Variants in FRMD4B observed in about 807,000 individuals in gnomAD.
FRMD4B encodes the protein FERM domain-containing protein 4B.
FRMD4B carries 74 observed loss-of-function variants against 141.5 expected under a neutral mutation model. The ratio of observed to expected loss-of-function variants is 0.52; its 90% CI spans 0.43 to 0.63. The LOEUF (loss-of-function observed/expected upper bound fraction) is 0.63. FRMD4B is among the 30% of genes least tolerant of loss of function. FRMD4B has a pLI of 0.00. For missense variants in FRMD4B, 1,366 were observed against 1,253.4 expected (o/e 1.09, Z -1.36); for synonymous variants, 506 against 467.9 (o/e 1.08, Z -1.05).
At chr3:69,312,963 A>G (rs1327901213) in intron 2 of FRMD4B, among the ~76,000 whole-genome samples, 1 of 152,196 alleles carries the variant, frequency 6.6e-6, no homozygotes, top group Non-Finnish European at 1.5e-5. Context: ...TCACTCACAT[A>G]TATAATCTAG....
intron 1 of FRMD4B, among the ~76,000 whole-genome samples, chr3:69,488,901 A>G (rs1184188189): frequency 2.0e-5 from 3 of 151,504 alleles, no homozygotes; most frequent in East Asian, 1.9e-4. Context: ...TAAAAAAAAA[A>G]AAAAAAAAAA....
At chr3:69,340,874 A>G (rs938785064) in intron 1 of FRMD4B, among the ~76,000 whole-genome samples, 2 of 152,318 alleles carry the variant, frequency 1.3e-5, no homozygotes, top group African/African-American at 4.8e-5. Flanking sequence ...TAACCACTCT[A>G]TGCTCAGCTT....
At chr3:69,225,554 GT>G (rs1352139720) in intron 7 of FRMD4B, among the ~76,000 whole-genome samples, 32 of 146,064 alleles carry the variant, frequency 2.2e-4, no homozygotes, top group African/African-American at 7.8e-4. Flanking sequence ...AATTAGCCAG[GT>G]TTGGTGGTGG....
At chr3:69,187,951 G>A (rs750304374) in intron 18 of FRMD4B, 34 bp from the exon 19 acceptor site, 2 of 1,229,218 alleles carry the variant, frequency 1.6e-6, no homozygotes, top group South Asian at 1.4e-5. Context: ...GAAAAAATAA[G>A]TAGGCAAATT....
intron 9 of FRMD4B, among the ~76,000 whole-genome samples, chr3:69,220,590 G>C (rs906688650): frequency 6.6e-6 from 1 of 152,202 alleles, no homozygotes; most frequent in Non-Finnish European, 1.5e-5. Context: ...AGTGGCCCAT[G>C]TCTATAATCC....
chr3:69,325,081 AAAAAAAAGAAAGAAAG>A (rs1203757475), intron 1 of FRMD4B, among the ~76,000 whole-genome samples: 1 of 13,314 alleles, frequency 7.5e-5, no homozygotes, highest in African/African-American at 1.3e-4. Flanking sequence ...TGTCTAAAAA[AAAAAAAAGAAAGAAAG>A]AAAGAAAGAA....
At chr3:69,471,703 TG>T in intron 1 of FRMD4B, 1 of 166,402 alleles carries the variant, frequency 6.0e-6, no homozygotes, top group South Asian at 1.6e-4. Context: ...TTACATGTTT[TG>T]GATTGTTTGG....
Position 69,455,536 on chromosome 3 carries a change from C to T in FRMD4B, c.-128-22775G>A, listed in dbSNP as rs377271365. The stretch of plus-strand genomic sequence containing the variant: ...TTCTGAAGCCAGCGAGACCATTAAC[C>T]GGTAAGAAGGAAGAAACTACGAACA... On this transcript the variant is annotated intron_variant, in intron 1 of 5. Coordinates refer to the FRMD4B transcript ENST00000459638. 1.3e-4 allele frequency among the ~76,000 whole-genome samples: 20 copies of T among 152,172 alleles called. No individual in the cohort carries two copies. In the South Asian group the frequency reaches 1.9e-3, roughly 14 times the overall value.
At chr3:69,216,209 G>C (rs2093139233) in intron 11 of FRMD4B, 54 bp downstream of exon 11, 3 of 943,920 alleles carry the variant, frequency 3.2e-6, no homozygotes. Flanking sequence ...CAACTATGTT[G>C]TGATTAACAT....
chr3:69,420,340 G>T (rs1311526211), intron 2 of FRMD4B, among the ~76,000 whole-genome samples: 1 of 149,738 alleles, frequency 6.7e-6, no homozygotes, highest in East Asian at 2.0e-4. Flanking sequence ...TTCACCTATG[G>T]AACAATCATA....
chr3:69,230,847 T>C (rs767902197), intron 7 of FRMD4B, among the ~76,000 whole-genome samples: 1 of 151,892 alleles, frequency 6.6e-6, no homozygotes, highest in Non-Finnish European at 1.5e-5. Flanking sequence ...ATTCATGTAA[T>C]AGAATACCAC....
At position 69,176,747 on chromosome 3, in the gene FRMD4B, T is replaced by G. The variant is rs2092650450; in HGVS notation, c.2852-91A>C. On this transcript the variant is annotated intron_variant, in intron 21 of 22. Transcript: ENST00000398540. ...ATTCAGAGGTACATTGCAATCAGCT[T>G]TGTCAGAGGAGAAATTTAAGAGGGT... 5.0e-6 allele frequency: 4 copies of G among 807,094 alleles called. No homozygotes were observed. The East Asian group carries it at 1.1e-4, about 22-fold the overall frequency. 50.0% of individuals were successfully genotyped at this position (807,094 alleles called of 1,614,324 possible).
chr3:69,499,027 C>T (rs967028929), intron 1 of FRMD4B, among the ~76,000 whole-genome samples: 1 of 152,112 alleles, frequency 6.6e-6, no homozygotes, highest in Non-Finnish European at 1.5e-5. Context: ...AGAAAGGATA[C>T]TTGTTAATAA....
At position 69,405,040 on chromosome 3, in the gene FRMD4B, G is replaced by A. The variant is rs572996914; in HGVS notation, c.-1+27594C>T. Among the ~76,000 whole-genome samples, 15 of 152,300 alleles carry A rather than the reference G, an allele frequency of 9.8e-5. No homozygotes were observed. The South Asian group carries it at 1.7e-3, about 17-fold the overall frequency. The stretch of plus-strand genomic sequence containing the variant: ...GTCTTCATCAGAGCTCTTTGCTCGC[G>A]AATGATGGAAACATAATTATAACTA... On this transcript the variant is annotated intron_variant, in intron 2 of 5. Coordinates refer to the FRMD4B transcript ENST00000459638.
At chr3:69,499,547 G>A (rs1017821480) in intron 1 of FRMD4B, among the ~76,000 whole-genome samples, 5 of 152,210 alleles carry the variant, frequency 3.3e-5, no homozygotes, top group African/African-American at 9.6e-5. Context: ...GTTTATGACC[G>A]AAGTAATTAA....
intron 1 of FRMD4B, among the ~76,000 whole-genome samples, chr3:69,458,380 C>A (rs1205797214): frequency 3.3e-5 from 5 of 152,142 alleles, no homozygotes; most frequent in African/African-American, 1.2e-4. Context: ...ACAGAAAGGA[C>A]AGGAAAGATG....
intron 1 of FRMD4B, among the ~76,000 whole-genome samples, chr3:69,437,684 T>C (rs1420951957): frequency 3.8e-5 from 5 of 132,834 alleles, no homozygotes; most frequent in Non-Finnish European, 7.6e-5. Context: ...TACTATAGTA[T>C]ATATGTAGTA....
intron 4 of FRMD4B, among the ~76,000 whole-genome samples, chr3:69,294,717 C>A (rs891920208): frequency 6.6e-6 from 1 of 152,142 alleles, no homozygotes; most frequent in African/African-American, 2.4e-5. Context: ...GGGAGAGAGT[C>A]TTCTCCCCTA....
chr3:69,295,136 G>A (rs891071364), intron 4 of FRMD4B, among the ~76,000 whole-genome samples: 2 of 152,140 alleles, frequency 1.3e-5, no homozygotes, highest in Non-Finnish European at 2.9e-5. Context: ...CAAAGTAGGT[G>A]GGGGCTACCA....
Sources: allele counts gnomAD v4.1 joint callset (sites outside exome capture counted in the v4.1 genomes callset), GRCh38; gene constraint gnomAD v4.1.1; transcripts MANE v1.5; gene names NCBI Gene and HGNC (gene_info 2026-07-23, HGNC 2026-07-21).